The following KHDRBS2 variants were observed in gnomAD, a reference collection of about 807,000 sequenced individuals.
The protein encoded by KHDRBS2 is KH RNA binding domain containing, signal transduction associated 2, also known as KH domain-containing, RNA-binding, signal transduction-associated protein 2.
A neutral mutation model predicts 44.3 loss-of-function variants in KHDRBS2; 26 were observed. The ratio of observed to expected loss-of-function variants is 0.59; its 90% CI spans 0.43 to 0.81. The LOEUF (loss-of-function observed/expected upper bound fraction) is 0.81, where lower values mean the gene tolerates loss of function less well. Among genes scored for constraint, KHDRBS2 ranks in the 40% least tolerant of loss-of-function variants. KHDRBS2 has a pLI of 0.00. For synonymous variants in KHDRBS2, 194 were observed against 151.1 expected (o/e 1.28, Z -2.08); for missense variants, 476 against 433.1 (o/e 1.10, Z -0.88).
At chr6:61,780,188 T>G (rs1020124072) in intron 6 of KHDRBS2, among the ~76,000 whole-genome samples, 2 of 152,180 alleles carry the variant, frequency 1.3e-5, no homozygotes, top group African/African-American at 4.8e-5. Flanking sequence ...AAAATATACC[T>G]TCAGAATCAA....
chr6:61,769,931 C>A (rs183301473), intron 6 of KHDRBS2, among the ~76,000 whole-genome samples: 7 of 152,276 alleles, frequency 4.6e-5, no homozygotes, highest in African/African-American at 9.6e-5. Flanking sequence ...CTGGGAGGCA[C>A]CCCCCAGTAG....
chr6:61,769,751 C>A (rs1780562601), intron 6 of KHDRBS2, among the ~76,000 whole-genome samples: 2 of 152,252 alleles, frequency 1.3e-5, no homozygotes, highest in Admixed American at 1.3e-4. Context: ...TAGGCTCCAC[C>A]TCTGGGGGCA....
chr6:61,548,468 A>C, the KHDRBS2 span, among the ~76,000 whole-genome samples: 3 of 152,154 alleles, frequency 2.0e-5, no homozygotes, highest in Admixed American at 6.6e-5. Context: ...TTCTACCAAG[A>C]TCTCAAGGGA....
chr6:61,741,527 T>G (rs1183205437), intron 6 of KHDRBS2, among the ~76,000 whole-genome samples: 1 of 151,974 alleles, frequency 6.6e-6, no homozygotes, highest in Non-Finnish European at 1.5e-5. Flanking sequence ...GTTACATGAG[T>G]ATACTGTATT....
At chr6:61,593,621 G>T in the KHDRBS2 span, among the ~76,000 whole-genome samples, 3,707 of 152,038 alleles carry the variant, frequency 0.024, 70 homozygotes, top group Middle Eastern at 0.082. Flanking sequence ...ATAAAGTGCA[G>T]CAAGAATAGT....
intron 1 of KHDRBS2, among the ~76,000 whole-genome samples, chr6:62,247,869 C>G (rs997429485): frequency 6.6e-6 from 1 of 151,956 alleles, no homozygotes; most frequent in Non-Finnish European, 1.5e-5. Flanking sequence ...AGGAACTCCC[C>G]AGAGAATATC....
intron 3 of KHDRBS2, among the ~76,000 whole-genome samples, chr6:62,014,830 T>A (rs554120466): frequency 1.3e-5 from 2 of 152,274 alleles, no homozygotes; most frequent in South Asian, 4.1e-4. Flanking sequence ...TGTCATATAT[T>A]TGATAAATTA....
At chr6:61,861,859 T>C (rs1358991636) in intron 6 of KHDRBS2, among the ~76,000 whole-genome samples, 3 of 152,190 alleles carry the variant, frequency 2.0e-5, no homozygotes, top group Non-Finnish European at 2.9e-5. Flanking sequence ...GGAATCTTTT[T>C]CCATTTGTTT....
At chr6:61,820,909 A>G (rs1244957489) in intron 6 of KHDRBS2, among the ~76,000 whole-genome samples, 1 of 152,018 alleles carries the variant, frequency 6.6e-6, no homozygotes, top group Non-Finnish European at 1.5e-5. Context: ...CTGGATAGCC[A>G]TATACGTGTG....
chr6:61,751,084 T>C (rs559562770), intron 6 of KHDRBS2, among the ~76,000 whole-genome samples: 1 of 152,062 alleles, frequency 6.6e-6, no homozygotes, highest in African/African-American at 2.4e-5. Context: ...CCATTTATTG[T>C]TAAGAAGCTG....
chr6:61,782,359 C>T (rs1264629854), intron 6 of KHDRBS2, among the ~76,000 whole-genome samples: 3 of 151,860 alleles, frequency 2.0e-5, no homozygotes, highest in Non-Finnish European at 2.9e-5. Flanking sequence ...GTTTTATGCT[C>T]CTGATAAAGA....
chr6:62,023,702 CTT>C (rs1782750184), intron 3 of KHDRBS2, among the ~76,000 whole-genome samples: 1 of 151,302 alleles, frequency 6.6e-6, no homozygotes. Context: ...TTTCATAACA[CTT>C]TGCATCATCA....
chr6:61,826,268 C>G (rs1790837687), intron 6 of KHDRBS2, among the ~76,000 whole-genome samples: 1 of 151,994 alleles, frequency 6.6e-6, no homozygotes, highest in East Asian at 1.9e-4. Flanking sequence ...GTTAAGACAC[C>G]CAAGCTCTCT....
intron 6 of KHDRBS2, among the ~76,000 whole-genome samples, chr6:61,796,877 C>A (rs1785438734): frequency 6.6e-6 from 1 of 151,986 alleles, no homozygotes; most frequent in Admixed American, 6.6e-5. Context: ...GAAGACTGCC[C>A]AGTAACTAAT....
chr6:61,567,788 T>C, the KHDRBS2 span, among the ~76,000 whole-genome samples: 2 of 152,274 alleles, frequency 1.3e-5, no homozygotes, highest in African/African-American at 2.4e-5. Context: ...TACCTCTTTC[T>C]TTCTTCATCT....
chr6:61,578,091 G>A, the KHDRBS2 span, among the ~76,000 whole-genome samples: 3 of 152,174 alleles, frequency 2.0e-5, 1 homozygote, highest in Middle Eastern at 3.4e-3. Flanking sequence ...CCAGAAAAAA[G>A]GCTGAATGTT....
At chr6:61,858,874 A>G (rs182772221) in intron 6 of KHDRBS2, among the ~76,000 whole-genome samples, 3 of 152,082 alleles carry the variant, frequency 2.0e-5, no homozygotes, top group Admixed American at 6.6e-5. Flanking sequence ...TTCAAGTAAT[A>G]TAAATTATTT....
the KHDRBS2 span, among the ~76,000 whole-genome samples, chr6:61,664,424 T>C: frequency 4.6e-5 from 7 of 151,674 alleles, no homozygotes; most frequent in African/African-American, 1.7e-4. Flanking sequence ...TTGGGAATCA[T>C]CTGACATAGG....
chr6:62,263,419 G>C (rs900132744), intron 1 of KHDRBS2, among the ~76,000 whole-genome samples: 1 of 151,458 alleles, frequency 6.6e-6, no homozygotes, highest in African/African-American at 2.4e-5. Context: ...TTAAAAATAA[G>C]AGTTGCTGCA....
Sources: allele counts gnomAD v4.1 joint callset (sites outside exome capture counted in the v4.1 genomes callset), GRCh38; gene constraint gnomAD v4.1.1; transcripts MANE v1.5; gene names NCBI Gene and HGNC (gene_info 2026-07-23, HGNC 2026-07-21).